The following PTPN6 variants were observed in gnomAD, a reference collection of about 807,000 sequenced individuals.
The protein encoded by PTPN6 is protein tyrosine phosphatase non-receptor type 6, also known as tyrosine-protein phosphatase non-receptor type 6.
Under a neutral mutation model 81.5 loss-of-function variants are expected in PTPN6, and 18 were observed. That is an observed-to-expected ratio of 0.22 (90% CI 0.15 to 0.33). The LOEUF (loss-of-function observed/expected upper bound fraction) is 0.33, where lower values mean the gene tolerates loss of function less well. PTPN6 is among the 10% of genes least tolerant of loss of function. PTPN6 has a pLI of 1.00. For missense variants in PTPN6, 500 were observed against 794.2 expected (o/e 0.63, Z 4.45); for synonymous variants, 301 against 310.9 (o/e 0.97, Z 0.33).
intron 11 of PTPN6, among the ~76,000 whole-genome samples, chr12:6,958,480 A>C (rs1177064016): frequency 4.6e-5 from 7 of 152,210 alleles, no homozygotes; most frequent in Non-Finnish European, 1.0e-4. Flanking sequence ...AGGAACATCT[A>C]TGAGGCATGT....
chr12:6,952,267 C>A lies in PTPN6; in HGVS notation c.326+90C>A. Reference sequence around the variant, plus strand: ...GGGAGGCAGGGAGACTGGCAGCCGGCGCTGCCTACCCTCCATCCCCTCCCC... The same window carrying A: ...GGGAGGCAGGGAGACTGGCAGCCGGAGCTGCCTACCCTCCATCCCCTCCCC... On this transcript the variant is annotated intron_variant, in intron 3 of 15. Coordinates refer to ENST00000318974, the MANE Select transcript of PTPN6 (RefSeq NM_002831.6). This position sits in a 1 kb window ranked among gnomAD's most constrained non-coding sequence, Gnocchi z 8.1. The A allele has an allele frequency of 6.7e-7, 1 of 1,484,048 alleles. No homozygotes were observed. The highest frequency in any genetic ancestry group is 9.4e-7 in the Non-Finnish European group (1 of 1,069,498). 91.9% of individuals were successfully genotyped at this position (1,484,048 alleles called of 1,614,324 possible).
chr12:6,947,528 G>A (rs1555147001), upstream of PTPN6, among the ~76,000 whole-genome samples: 1 of 152,036 alleles, frequency 6.6e-6, no homozygotes, highest in Non-Finnish European at 1.5e-5. Flanking sequence ...AATTAGCTGG[G>A]TGTGGTGGCA....
At chr12:6,946,800 T>C, upstream of PTPN6, 1 of 1,516,830 alleles carries the variant, frequency 6.6e-7, no homozygotes, top group Non-Finnish European at 9.1e-7. Context: ...AGGGAGGGCT[T>C]TGTTGATGCT....
upstream of PTPN6, among the ~76,000 whole-genome samples, chr12:6,951,085 G>A (rs1040562602): frequency 1.3e-5 from 2 of 152,198 alleles, no homozygotes; most frequent in South Asian, 2.1e-4. This position sits in a 1 kb window ranked among gnomAD's most constrained non-coding sequence, Gnocchi z 7.2. Flanking sequence ...CCGTGGGACC[G>A]TCTGGGTTCG....
upstream of PTPN6, chr12:6,946,816 C>CA: frequency 6.9e-7 from 1 of 1,444,598 alleles, no homozygotes; most frequent in Non-Finnish European, 9.6e-7. Flanking sequence ...ATGCTCACTC[C>CA]GACGTGTGTG....
rs1212719021 is a variant in PTPN6 at position 6,955,397 on chromosome 12, C to T, written c.659C>T (p.Ala220Val). Residue 220 changes from alanine to valine, a missense_variant, in exon 6 of 16, where the codon GCG becomes GTG. By Grantham distance (64) the Ala-to-Val change is moderately conservative (BLOSUM62 0). Coordinates refer to ENST00000318974, the MANE Select transcript of PTPN6 (RefSeq NM_002831.6). This position sits in a 1 kb window ranked among gnomAD's most constrained non-coding sequence, Gnocchi z 7.2. ...CCGTACTATGCCACGAGGGTGAATG[C>T]GGCTGACATTGAGAACCGAGTGTTG... Reference protein sequence around the residue: ...RQPYYATRVNAADIENRVLEL... With the variant: ...RQPYYATRVNVADIENRVLEL... The T allele has an allele frequency of 3.7e-6, 6 of 1,613,988 alleles. No homozygotes were observed. The highest frequency in any genetic ancestry group is 1.3e-5 in the African/African-American group (1 of 74,896).
Position 6,952,604 on chromosome 12 carries a change from G to A in PTPN6, c.326+427G>A, listed in dbSNP as rs782194958. 1 of 279,294 alleles carries A rather than the reference G, an allele frequency of 3.6e-6. No homozygotes were observed. The allele number at this position is 279,294 out of a possible 1,614,324, so 17.3% of individuals were successfully genotyped here. On this transcript the variant is annotated intron_variant, in intron 3 of 15. Transcript: ENST00000318974. The surrounding 1 kb of genome is among the most constrained non-coding windows in gnomAD (Gnocchi z 8.1). ...TAGGACAGTGAGGAGCTGACACTGGGGTGAAGATGGGGATGAATGCTTGCC... is the reference window on the plus strand; with the variant it reads ...TAGGACAGTGAGGAGCTGACACTGGAGTGAAGATGGGGATGAATGCTTGCC...
chr12:6,957,629 T>TGGC lies in PTPN6; in HGVS notation c.1075-25_1075-24insGGC. ...CCACAGTGCCCTGCTCTGTGCCTCA[T>TGGC]CCCCACCCGACCCTCCCTTTCCAGA... On this transcript the variant is annotated intron_variant, in intron 9 of 15. Transcript: ENST00000318974. This position sits in a 1 kb window ranked among gnomAD's most constrained non-coding sequence, Gnocchi z 6.5. 3 of 1,521,466 alleles carry TGGC rather than the reference T, an allele frequency of 2.0e-6. No homozygotes were observed. The highest frequency in any genetic ancestry group is 2.7e-6 in the Non-Finnish European group (3 of 1,105,634). The allele number at this position is 1,521,466 out of a possible 1,614,324, so 94.2% of individuals were successfully genotyped here. A position where few individuals can be genotyped will look rare whatever the true frequency, so the allele number is the denominator to read the frequency against.
In PTPN6 at chr12:6,952,267, C is replaced by G; in HGVS notation, c.326+90C>G. ...GGGAGGCAGGGAGACTGGCAGCCGG[C>G]GCTGCCTACCCTCCATCCCCTCCCC... On this transcript the variant is annotated intron_variant, in intron 3 of 15. Transcript: ENST00000318974. This position sits in a 1 kb window ranked among gnomAD's most constrained non-coding sequence, Gnocchi z 8.1. 1.3e-6 allele frequency: 2 copies of G among 1,484,058 alleles called. No individual in the cohort carries two copies. The highest frequency in any genetic ancestry group is 2.8e-5 in the African/African-American group (2 of 72,366). The allele number at this position is 1,484,058 out of a possible 1,614,324, so 91.9% of individuals were successfully genotyped here.
chr12:6,947,036 C>T (rs781845765), upstream of PTPN6, among the ~76,000 whole-genome samples: 6 of 152,292 alleles, frequency 3.9e-5, no homozygotes, highest in East Asian at 1.2e-3. Context: ...AGGACCTGTC[C>T]CCCTGGGTAG....
chr12:6,949,649 C>T (rs1318943285), upstream of PTPN6, among the ~76,000 whole-genome samples: 1 of 152,092 alleles, frequency 6.6e-6, no homozygotes, highest in Non-Finnish European at 1.5e-5. Flanking sequence ...CTGCCACTTA[C>T]CAGCTTTTCA....
upstream of PTPN6, chr12:6,951,246 T>C: frequency 7.0e-7 from 1 of 1,432,940 alleles, no homozygotes; most frequent in Non-Finnish European, 9.1e-7. The surrounding 1 kb of genome is among the most constrained non-coding windows in gnomAD (Gnocchi z 7.2). Flanking sequence ...AGTGCCACCC[T>C]GCTCTGCTTC....
In PTPN6 at chr12:6,958,645, C is replaced by T. The variant is rs782166365; in HGVS notation, c.1361+572C>T. 2.2e-4 allele frequency among the ~76,000 whole-genome samples: 33 copies of T among 152,332 alleles called. No homozygotes were observed. In the East Asian group the frequency reaches 4.4e-3, roughly 20 times the overall value. On this transcript the variant is annotated intron_variant, in intron 11 of 15. Transcript: ENST00000318974. ...GCTTCTTTGGGGCTGCACATAACTC[C>T]TCTGTCTATCTACCCGCATGTTTGT...
At chr12:6,948,629 G>T (rs1046771317), upstream of PTPN6, among the ~76,000 whole-genome samples, 2 of 151,686 alleles carry the variant, frequency 1.3e-5, no homozygotes, top group South Asian at 2.1e-4. Context: ...AGTGACAACC[G>T]GTCGAAAGAA....
upstream of PTPN6, chr12:6,946,586 G>A: frequency 1.4e-6 from 1 of 724,570 alleles, no homozygotes; most frequent in South Asian, 1.5e-5. Context: ...CATTGGCCTG[G>A]CAGGCAGGAT....
At chr12:6,951,187 T>C (rs1450913311), upstream of PTPN6, 6 of 1,355,698 alleles carry the variant, frequency 4.4e-6, no homozygotes, top group Non-Finnish European at 5.8e-6. The surrounding 1 kb of genome is among the most constrained non-coding windows in gnomAD (Gnocchi z 7.2). Context: ...GCCATGCTCC[T>C]GAGCCTTTGA....
Position 6,959,623 on chromosome 12 carries a change from C to T in PTPN6, c.1362-304C>T, listed in dbSNP as rs376256848. ...GGACAGTGGTGGGATTTGGGGGTCC[C>T]AGGTCTTCCGGGGTGGGGGCAGCCA... On this transcript the variant is annotated intron_variant, in intron 11 of 15. Coordinates refer to ENST00000318974, the MANE Select transcript of PTPN6 (RefSeq NM_002831.6). The surrounding 1 kb of genome is among the most constrained non-coding windows in gnomAD (Gnocchi z 6.6). 5.4e-6 allele frequency: 3 copies of T among 552,048 alleles called. No homozygotes were observed. Among genetic ancestry groups the T allele is most frequent in the Non-Finnish European group, 6.5e-6 (2 of 306,254 alleles). The allele number at this position is 552,048 out of a possible 1,614,324, so 34.2% of individuals were successfully genotyped here.
Position 6,960,684 on chromosome 12 carries a change from G to A in PTPN6, c.1674-122G>A. On this transcript the variant is annotated intron_variant, in intron 14 of 15. Transcript: ENST00000318974. The surrounding 1 kb of genome is among the most constrained non-coding windows in gnomAD (Gnocchi z 6.1). ...CTAGGAGCTTGGAGTCTAGTGCAGG[G>A]ACCGTGGCTGCGTCACCTGTGAGAC... 1.3e-6 allele frequency: 2 copies of A among 1,551,528 alleles called. No homozygotes were observed. The highest frequency in any genetic ancestry group is 1.7e-6 in the Non-Finnish European group (2 of 1,146,964).
upstream of PTPN6, among the ~76,000 whole-genome samples, chr12:6,947,620 G>A (rs1555147034): frequency 6.7e-6 from 1 of 148,208 alleles, no homozygotes; most frequent in Non-Finnish European, 1.5e-5. Flanking sequence ...AGTCAGCGAT[G>A]ATTGCACCAC....
Sources: allele counts gnomAD v4.1 joint callset (sites outside exome capture counted in the v4.1 genomes callset), GRCh38; gene constraint gnomAD v4.1.1; non-coding constraint Gnocchi (gnomAD v3.1); transcripts MANE v1.5; gene names NCBI Gene and HGNC (gene_info 2026-07-23, HGNC 2026-07-21).